The following ADGRB3 variants were observed in gnomAD, a reference collection of about 807,000 sequenced individuals.
ADGRB3 encodes the protein brain-specific angiogenesis inhibitor 3.
A neutral mutation model predicts 193.4 loss-of-function variants in ADGRB3; 37 were observed. That is an observed-to-expected ratio of 0.19 (90% CI 0.15 to 0.25). The LOEUF is 0.25. Among genes scored for constraint, ADGRB3 ranks in the 10% least tolerant of loss-of-function variants. ADGRB3 has a pLI of 1.00. For missense variants in ADGRB3, 1,637 were observed against 1,852.9 expected, an observed-to-expected ratio of 0.88 and a Z score of 2.14; for synonymous variants, 690 against 644.2, an observed-to-expected ratio of 1.07 and a Z score of -1.08.
chr6:69,194,316 G>T (rs938174310), intron 17 of ADGRB3, among the ~76,000 whole-genome samples: 3 of 152,020 alleles, frequency 2.0e-5, no homozygotes, highest in Admixed American at 2.0e-4. Context: ...TCCCCACAGG[G>T]ACTTCTACAT....
At chr6:68,769,136 C>T (rs1171517420) in intron 3 of ADGRB3, among the ~76,000 whole-genome samples, 1 of 152,132 alleles carries the variant, frequency 6.6e-6, no homozygotes, top group Non-Finnish European at 1.5e-5. Flanking sequence ...TGTGGTGATT[C>T]CTCAAGGATC....
chr6:68,973,896 G>T (rs1003644292), intron 8 of ADGRB3, among the ~76,000 whole-genome samples: 8 of 151,982 alleles, frequency 5.3e-5, no homozygotes, highest in African/African-American at 1.9e-4. Flanking sequence ...CTACTATTTT[G>T]CATTTCATTA....
intron 24 of ADGRB3, among the ~76,000 whole-genome samples, chr6:69,338,710 A>G (rs1481885129): frequency 6.6e-6 from 1 of 152,236 alleles, no homozygotes; most frequent in Non-Finnish European, 1.5e-5. Context: ...TATGTTTTGC[A>G]TGCAACAAAG....
chr6:68,807,315 G>T (rs1400266606), intron 3 of ADGRB3, among the ~76,000 whole-genome samples: 1 of 132,130 alleles, frequency 7.6e-6, no homozygotes, highest in Non-Finnish European at 1.5e-5. Context: ...TCAGCTCACT[G>T]CAGGCTCCGC....
At chr6:68,707,147 G>A (rs924430242) in intron 3 of ADGRB3, among the ~76,000 whole-genome samples, 1 of 151,646 alleles carries the variant, frequency 6.6e-6, no homozygotes, top group Non-Finnish European at 1.5e-5. Flanking sequence ...TTTGATGGAA[G>A]GATTTGCTGA....
At chr6:68,943,234 C>T (rs1026069124) in intron 5 of ADGRB3, among the ~76,000 whole-genome samples, 9 of 152,106 alleles carry the variant, frequency 5.9e-5, no homozygotes, top group South Asian at 2.1e-4. Context: ...AGTAGACACT[C>T]TGTTTGAAAT....
intron 11 of ADGRB3, among the ~76,000 whole-genome samples, chr6:68,999,915 C>T (rs1166254774): frequency 2.6e-5 from 4 of 151,472 alleles, no homozygotes; most frequent in Admixed American, 2.6e-4. Context: ...TACATTGTTT[C>T]ACAAAATATT....
At chr6:69,171,894 C>T (rs1035533584) in intron 17 of ADGRB3, among the ~76,000 whole-genome samples, 2 of 152,154 alleles carry the variant, frequency 1.3e-5, no homozygotes, top group African/African-American at 4.8e-5. Context: ...CATTGCCACA[C>T]AAAATAAGTA....
intron 17 of ADGRB3, chr6:69,232,914 T>C (rs2127256909): frequency 4.1e-6 from 2 of 491,130 alleles, no homozygotes; most frequent in East Asian, 7.1e-5. Flanking sequence ...GAAAAGCCTC[T>C]TTACACCCTG....
At chr6:68,948,509 A>G (rs1001444064) in intron 6 of ADGRB3, among the ~76,000 whole-genome samples, 27 of 152,196 alleles carry the variant, frequency 1.8e-4, no homozygotes, top group African/African-American at 6.3e-4. Flanking sequence ...AATAAAATTT[A>G]TATAACCATT....
At chr6:68,639,742 A>G (rs75104421) in intron 3 of ADGRB3, among the ~76,000 whole-genome samples, 62 of 152,154 alleles carry the variant, frequency 4.1e-4, no homozygotes, top group Non-Finnish European at 7.8e-4. Flanking sequence ...GGGTTTCTTT[A>G]TTCAGGCTGC....
chr6:68,825,978 AGT>A (rs1055181661), intron 3 of ADGRB3, among the ~76,000 whole-genome samples: 4 of 149,114 alleles, frequency 2.7e-5, no homozygotes, highest in African/African-American at 1.0e-4. Flanking sequence ...TCTGGTGTTC[AGT>A]TTCCTCCCCA....
chr6:69,385,648 C>A (rs931454155), intron 31 of ADGRB3, among the ~76,000 whole-genome samples: 3 of 152,058 alleles, frequency 2.0e-5, no homozygotes, highest in African/African-American at 7.2e-5. Flanking sequence ...AAGTGCAAAA[C>A]ATAAATTAAC....
At chr6:69,109,111 A>T (rs1773297641) in intron 17 of ADGRB3, among the ~76,000 whole-genome samples, 1 of 152,194 alleles carries the variant, frequency 6.6e-6, no homozygotes, top group African/African-American at 2.4e-5. Flanking sequence ...TCTTAATAAA[A>T]CTACCCACCG....
chr6:68,829,246 C>T (rs548728779), intron 3 of ADGRB3, among the ~76,000 whole-genome samples: 2 of 151,832 alleles, frequency 1.3e-5, no homozygotes, highest in South Asian at 2.1e-4. Context: ...ATTACAGGCT[C>T]CCGCCACCAT....
At chr6:68,894,445 ACTATGCCT>A (rs1224423634) in intron 3 of ADGRB3, among the ~76,000 whole-genome samples, 2 of 152,044 alleles carry the variant, frequency 1.3e-5, no homozygotes, top group East Asian at 3.9e-4. Flanking sequence ...TTCTTTCTAG[ACTATGCCT>A]CTTTAGATAG....
At chr6:68,810,231 C>T (rs1206206227) in intron 3 of ADGRB3, among the ~76,000 whole-genome samples, 1 of 152,070 alleles carries the variant, frequency 6.6e-6, no homozygotes, top group Non-Finnish European at 1.5e-5. Flanking sequence ...GCTGTGATTC[C>T]TTTCGGAAGT....
chr6:68,641,390 A>G (rs1167232939), intron 3 of ADGRB3, among the ~76,000 whole-genome samples: 2 of 152,158 alleles, frequency 1.3e-5, no homozygotes, highest in Non-Finnish European at 2.9e-5. Context: ...GTGAAGACAA[A>G]TAAGAGTGAT....
intron 20 of ADGRB3, among the ~76,000 whole-genome samples, chr6:69,267,112 C>T (rs973008881): frequency 1.4e-4 from 22 of 152,120 alleles, no homozygotes; most frequent in African/African-American, 5.1e-4. Flanking sequence ...TTTGTCAGGG[C>T]GAGGCTTTTT....
Sources: gnomAD v4.1 joint callset for allele counts (sites outside exome capture counted in the v4.1 genomes callset) on GRCh38, gnomAD v4.1.1 for gene constraint, MANE v1.5 for transcripts, NCBI Gene and HGNC (gene_info 2026-07-23, HGNC 2026-07-21) for gene names.